SGCZ: variants seen among roughly 807,000 people sequenced by gnomAD.
SGCZ encodes zeta-sarcoglycan.
SGCZ carries 40 observed loss-of-function variants against 41.3 expected under a neutral mutation model. That is an observed-to-expected ratio of 0.97 (90% CI 0.75 to 1.26). The LOEUF (loss-of-function observed/expected upper bound fraction) is 1.26, where lower values mean the gene tolerates loss of function less well. Ranked by LOEUF, SGCZ falls within the 50% of genes most tolerant of loss-of-function variation. SGCZ has a pLI of 0.00. For synonymous variants in SGCZ, 206 were observed against 137.5 expected, an observed-to-expected ratio of 1.50 and a Z score of -3.49; for missense variants, 552 against 369.8, an observed-to-expected ratio of 1.49 and a Z score of -4.04.
intron 1 of SGCZ, among the ~76,000 whole-genome samples, chr8:14,583,655 T>G (rs1463104273): frequency 1.3e-5 from 2 of 152,178 alleles, no homozygotes; most frequent in Admixed American, 1.3e-4. Context: ...CGTTTAAGTC[T>G]TTAATCCATC....
Position 15,144,612 on chromosome 8 carries a change from C to G in SGCZ, c.39+92973G>C, listed in dbSNP as rs1451730098. Among the ~76,000 whole-genome samples, 2 of 152,072 alleles carry G rather than the reference C, an allele frequency of 1.3e-5. 1 individual carries two copies. The highest frequency in any genetic ancestry group is 4.1e-4 in the South Asian group (2 of 4,824). ...GAGTAGCTTGGAATACAGGCACATG[C>G]CGCCACACCCAGCCAGTATTTTTAG... is the stretch of plus-strand genomic sequence containing the variant. On this transcript the variant is annotated intron_variant, in intron 1 of 7. Transcript: ENST00000382080.
chr8:14,372,816 A>G (rs1457268678), intron 2 of SGCZ, among the ~76,000 whole-genome samples: 1 of 152,100 alleles, frequency 6.6e-6, no homozygotes, highest in Admixed American at 6.6e-5. Flanking sequence ...AAGGAGAAAC[A>G]AATGAGACCC....
chr8:14,914,754 C>A (rs1261110601), intron 1 of SGCZ, among the ~76,000 whole-genome samples: 1 of 152,134 alleles, frequency 6.6e-6, no homozygotes, highest in East Asian at 1.9e-4. Context: ...TCCACAAATA[C>A]AATTCATTTC....
At chr8:14,204,122 C>T (rs1048524099) in intron 4 of SGCZ, among the ~76,000 whole-genome samples, 3 of 151,856 alleles carry the variant, frequency 2.0e-5, no homozygotes, top group Admixed American at 6.6e-5. Context: ...GGTTTCGGAC[C>T]GTCTTCGGCA....
At chr8:14,816,636 G>C (rs189611835) in intron 1 of SGCZ, among the ~76,000 whole-genome samples, 5 of 149,532 alleles carry the variant, frequency 3.3e-5, no homozygotes, top group Non-Finnish European at 4.4e-5. Context: ...TCAGTTGTTG[G>C]ACTCTGAGGT....
At chr8:14,480,207 A>G (rs1021921249) in intron 2 of SGCZ, among the ~76,000 whole-genome samples, 2 of 152,230 alleles carry the variant, frequency 1.3e-5, no homozygotes, top group Admixed American at 1.3e-4. Context: ...CATTGGCCAT[A>G]TACTTTATGT....
At chr8:14,972,954 A>G (rs11993796) in intron 1 of SGCZ, among the ~76,000 whole-genome samples, 7,647 of 152,226 alleles carry the variant, frequency 0.05, 405 homozygotes, top group African/African-American at 0.13. Context: ...GTGTAGTTAC[A>G]TATTTCTTTC....
chr8:14,738,165 C>A (rs1384771720), intron 1 of SGCZ, among the ~76,000 whole-genome samples: 1 of 152,052 alleles, frequency 6.6e-6, no homozygotes, highest in Non-Finnish European at 1.5e-5. Context: ...GGGATCTCTA[C>A]TTTATATTAC....
At chr8:14,138,964 A>G (rs192995940) in intron 5 of SGCZ, among the ~76,000 whole-genome samples, 3 of 152,300 alleles carry the variant, frequency 2.0e-5, no homozygotes, top group African/African-American at 7.2e-5. Flanking sequence ...CAGCAAATGT[A>G]AAAGAACAGA....
chr8:15,126,502 T>A (rs922400074), intron 1 of SGCZ, among the ~76,000 whole-genome samples: 2 of 152,166 alleles, frequency 1.3e-5, no homozygotes, highest in African/African-American at 4.8e-5. Flanking sequence ...ATCCCTCCCC[T>A]CAAATAGTTC....
intron 1 of SGCZ, among the ~76,000 whole-genome samples, chr8:15,192,241 T>G (rs1249158484): frequency 6.6e-6 from 1 of 152,018 alleles, no homozygotes. Flanking sequence ...TTTATTCCTT[T>G]CAACAGCCCA....
chr8:14,641,150 C>T lies in SGCZ; in HGVS notation c.40-86224G>A, dbSNP rs1191433592. Among the ~76,000 whole-genome samples the T allele has an allele frequency of 2.0e-5, 3 of 151,706 alleles. No homozygotes were observed. In the East Asian group the frequency reaches 5.8e-4, roughly 30 times the overall value. On this transcript the variant is annotated intron_variant, in intron 1 of 7. Transcript: ENST00000382080. ...CAAAGATCCTTCCAAAGACTCTTTCCCCAAATCATATCAAAATTGCTTCTA... is the reference window on the plus strand; with the variant it reads ...CAAAGATCCTTCCAAAGACTCTTTCTCCAAATCATATCAAAATTGCTTCTA...
chr8:14,566,636 G>T (rs1263068360), intron 1 of SGCZ, among the ~76,000 whole-genome samples: 1 of 152,252 alleles, frequency 6.6e-6, no homozygotes, highest in African/African-American at 2.4e-5. Flanking sequence ...TGTTTTACAT[G>T]ATAGTGAGAG....
chr8:14,157,353 T>A (rs966133013), intron 5 of SGCZ, among the ~76,000 whole-genome samples: 8 of 132,248 alleles, frequency 6.0e-5, no homozygotes, highest in East Asian at 6.3e-4. Flanking sequence ...TGTGTGTGTG[T>A]GTGTGTGTGT....
intron 1 of SGCZ, among the ~76,000 whole-genome samples, chr8:14,860,508 AC>A (rs1295658188): frequency 6.6e-6 from 1 of 151,256 alleles, no homozygotes; most frequent in East Asian, 1.9e-4. Flanking sequence ...AGGAAAAGAG[AC>A]AGAATGAAAA....
chr8:14,526,122 A>C (rs1461866), intron 2 of SGCZ, among the ~76,000 whole-genome samples: 152,128 of 152,252 alleles, frequency 1, 76,002 homozygotes, highest in Non-Finnish European at 1. Context: ...CTTCTTATAA[A>C]AACAAATTTA....
intron 1 of SGCZ, among the ~76,000 whole-genome samples, chr8:14,991,534 A>G (rs1802014640): frequency 6.6e-6 from 1 of 152,152 alleles, no homozygotes; most frequent in Non-Finnish European, 1.5e-5. Context: ...TCATCTGGCC[A>G]CGTGATGCTT....
intron 3 of SGCZ, among the ~76,000 whole-genome samples, chr8:14,314,094 C>G (rs1801636577): frequency 6.6e-6 from 1 of 152,046 alleles, no homozygotes; most frequent in South Asian, 2.1e-4. Flanking sequence ...CAGTGACATA[C>G]AATGGTGTAA....
intron 2 of SGCZ, among the ~76,000 whole-genome samples, chr8:14,361,697 A>C (rs889320534): frequency 2.6e-5 from 4 of 152,178 alleles, no homozygotes; most frequent in East Asian, 3.9e-4. Flanking sequence ...TGTCAAACCC[A>C]TTCTCCGTCC....
Sources: allele counts gnomAD v4.1 joint callset (sites outside exome capture counted in the v4.1 genomes callset), GRCh38; gene constraint gnomAD v4.1.1; transcripts MANE v1.5; gene names NCBI Gene and HGNC (gene_info 2026-07-23, HGNC 2026-07-21).